Variants in SMAD6 observed in about 807,000 individuals in gnomAD.
SMAD6 encodes the protein MAD homolog 6.
SMAD6 carries 103 observed loss-of-function variants against 39.4 expected under a neutral mutation model. The observed-to-expected ratio is 2.62, with a 90% confidence interval of 2.23 to 3.08. SMAD6 has a LOEUF of 3.08. Among genes scored for constraint, SMAD6 ranks in the 30% most tolerant of loss-of-function variants. The pLI is 0.00. For missense variants in SMAD6, 1,104 were observed against 742.9 expected (o/e 1.49, Z -5.65); for synonymous variants, 445 against 353.3 (o/e 1.26, Z -2.91).
intron 3 of SMAD6, among the ~76,000 whole-genome samples, chr15:66,728,756 A>G (rs1893569095): frequency 6.6e-6 from 1 of 152,092 alleles, no homozygotes; most frequent in African/African-American, 2.4e-5. Flanking sequence ...ACTGCCAGAT[A>G]ATATTCTGTG....
intron 3 of SMAD6, among the ~76,000 whole-genome samples, chr15:66,722,010 G>T (rs1382597389): frequency 6.6e-6 from 1 of 152,198 alleles, no homozygotes; most frequent in East Asian, 1.9e-4. Context: ...GGTGTGAAAA[G>T]AACTTGATGT....
chr15:66,727,102 CTTTT>C (rs35592663), intron 3 of SMAD6, among the ~76,000 whole-genome samples: 2 of 141,292 alleles, frequency 1.4e-5, no homozygotes, highest in Non-Finnish European at 1.5e-5. Context: ...TCTTCTTCTT[CTTTT>C]TTTTTTTTTT....
At chr15:66,779,774 G>C (rs955048643) in intron 3 of SMAD6, among the ~76,000 whole-genome samples, 10 of 152,366 alleles carry the variant, frequency 6.6e-5, no homozygotes, top group African/African-American at 2.4e-4. Context: ...GCCTCCAGCA[G>C]AACGCCTCCC....
chr15:66,770,862 A>G (rs1171662721), intron 3 of SMAD6, among the ~76,000 whole-genome samples: 1 of 152,102 alleles, frequency 6.6e-6, no homozygotes, highest in Non-Finnish European at 1.5e-5. Flanking sequence ...AGGCTTAAGT[A>G]GTTGCAGTTT....
At chr15:66,709,279 G>T (rs975091664) in intron 1 of SMAD6, among the ~76,000 whole-genome samples, 1 of 152,200 alleles carries the variant, frequency 6.6e-6, no homozygotes, top group Non-Finnish European at 1.5e-5. Flanking sequence ...CCTCCTGAAC[G>T]GTTTGTAGTG....
intron 3 of SMAD6, chr15:66,717,035 G>A (rs1212928886): frequency 7.8e-7 from 1 of 1,289,336 alleles, no homozygotes; most frequent in Non-Finnish European, 1.0e-6. Flanking sequence ...AGGAAGCCGA[G>A]GGAACCGTGG....
Position 66,781,591 on chromosome 15 carries a change from C to CCCCT in SMAD6, c.*57_*58insCCTC. The CCCCT allele has an allele frequency of 7.4e-7, 1 of 1,358,294 alleles. No homozygotes were observed. The highest frequency in any genetic ancestry group is 9.7e-7 in the Non-Finnish European group (1 of 1,027,204). The allele number at this position is 1,358,294 out of a possible 1,614,324, so 84.1% of individuals were successfully genotyped here. ...GGCCGCGGCCACCGCCACCTGCCGG[C>CCCCT]CTCGAGAGGGGCCGATGCCCAGAGA... On this transcript the variant is annotated 3_prime_UTR_variant, in exon 4 of 4. Transcript: ENST00000288840.
At chr15:66,757,255 G>T (rs937651774) in intron 3 of SMAD6, among the ~76,000 whole-genome samples, 5 of 152,194 alleles carry the variant, frequency 3.3e-5, no homozygotes, top group African/African-American at 9.7e-5. Flanking sequence ...GGTACGGGAG[G>T]AGGCGTGGTG....
At chr15:66,728,768 G>C (rs181416252) in intron 3 of SMAD6, among the ~76,000 whole-genome samples, 4 of 152,262 alleles carry the variant, frequency 2.6e-5, no homozygotes, top group East Asian at 3.9e-4. Flanking sequence ...TATTCTGTGG[G>C]AATGGACTGT....
chr15:66,726,300 A>G (rs990670555), intron 3 of SMAD6, among the ~76,000 whole-genome samples: 1 of 152,186 alleles, frequency 6.6e-6, no homozygotes, highest in African/African-American at 2.4e-5. Context: ...TGTGATTCAC[A>G]GAGGGGTCCA....
rs149949971 is a variant in SMAD6, at chr15:66,781,228, A to G, written c.1184A>G (p.Lys395Arg). 1.1e-4 allele frequency: 176 copies of G among 1,608,868 alleles called. 1 individual carries two copies. The African/African-American group carries it at 1.8e-3, about 16-fold the overall frequency. Residue 395 changes from lysine (K) to arginine (R), a missense_variant, in exon 4 of 4, where the codon AAG (lysine) becomes AGG (arginine). Transcript: ENST00000288840. Reference sequence around the variant, plus strand: ...ATCGGCTTCGGCATCCTGCTCAGCAAGGAGCCCGACGGCGTGTGGGCCTAC... The same window carrying G: ...ATCGGCTTCGGCATCCTGCTCAGCAGGGAGCCCGACGGCGTGTGGGCCTAC... ...SKIGFGILLS[K>R]EPDGVWAYNR...
intron 3 of SMAD6, among the ~76,000 whole-genome samples, chr15:66,733,135 A>G (rs1893658983): frequency 6.6e-6 from 1 of 151,874 alleles, no homozygotes; most frequent in African/African-American, 2.4e-5. Flanking sequence ...CTCTTTCTGG[A>G]TTCTTAACTT....
At chr15:66,753,214 C>T (rs918264994) in intron 3 of SMAD6, among the ~76,000 whole-genome samples, 1 of 152,178 alleles carries the variant, frequency 6.6e-6, no homozygotes, top group Non-Finnish European at 1.5e-5. Flanking sequence ...CCTGATGAGA[C>T]CCTCCCAGTA....
intron 2 of SMAD6, among the ~76,000 whole-genome samples, chr15:66,715,225 G>A: frequency 6.8e-6 from 1 of 146,414 alleles, no homozygotes; most frequent in Admixed American, 6.9e-5. Context: ...GATCACATGA[G>A]ACCAAAAAAC....
intron 2 of SMAD6, among the ~76,000 whole-genome samples, chr15:66,712,214 T>C (rs2140597219): frequency 6.6e-6 from 1 of 152,224 alleles, no homozygotes; most frequent in Non-Finnish European, 1.5e-5. Context: ...GAAACAACAA[T>C]TGGAGTGTTA....
chr15:66,773,026 A>C (rs1021335632), intron 3 of SMAD6, among the ~76,000 whole-genome samples: 29 of 152,260 alleles, frequency 1.9e-4, no homozygotes, highest in African/African-American at 7.0e-4. Context: ...CCAGCCGACT[A>C]GCTGAGCAGC....
chr15:66,779,085 G>A (rs1894515346), intron 3 of SMAD6, among the ~76,000 whole-genome samples: 1 of 151,980 alleles, frequency 6.6e-6, no homozygotes, highest in Non-Finnish European at 1.5e-5. Context: ...GATGGCTGGG[G>A]AGAGGGGCAC....
chr15:66,773,040 C>T (rs1278081476), intron 3 of SMAD6, among the ~76,000 whole-genome samples: 2 of 152,184 alleles, frequency 1.3e-5, no homozygotes, highest in Non-Finnish European at 2.9e-5. Flanking sequence ...GAGCAGCTGC[C>T]TGGAGGGTGG....
chr15:66,706,667 A>G (rs1893118659), intron 1 of SMAD6: 1 of 152,434 alleles, frequency 6.6e-6, no homozygotes, highest in Middle Eastern at 3.1e-3. Context: ...GCGCGCACAC[A>G]CATAGCGCAG....
Sources: gnomAD v4.1 joint callset for allele counts (sites outside exome capture counted in the v4.1 genomes callset) on GRCh38, gnomAD v4.1.1 for gene constraint, MANE v1.5 for transcripts, NCBI Gene and HGNC (gene_info 2026-07-23, HGNC 2026-07-21) for gene names.